IL18: variants seen among roughly 807,000 people sequenced by gnomAD.
IL18 encodes the protein interleukin 18.
Under a neutral mutation model 14.2 loss-of-function variants are expected in IL18, and 8 were observed. The observed-to-expected ratio is 0.56, with a 90% CI of 0.33 to 1.01. The LOEUF (loss-of-function observed/expected upper bound fraction) is 1.01. Ranked by LOEUF, IL18 falls within the 50% of genes least tolerant of loss-of-function variation. The pLI, the probability that IL18 is intolerant of heterozygous loss-of-function variation, is 0.03. For synonymous variants in IL18, 67 were observed against 71.0 expected, an observed-to-expected ratio of 0.94 and a Z score of 0.28; for missense variants, 166 against 231.1, an observed-to-expected ratio of 0.72 and a Z score of 1.83.
At chr11:112,161,539 C>A (rs1388983123) in intron 1 of IL18, among the ~76,000 whole-genome samples, 1 of 152,202 alleles carries the variant, frequency 6.6e-6, no homozygotes, top group Non-Finnish European at 1.5e-5. Flanking sequence ...TGGCTTATGC[C>A]TGTAATACCA....
chr11:112,148,562 T>C, intron 5 of IL18, 41 bp downstream of exon 5: 1 of 1,013,786 alleles, frequency 9.9e-7, no homozygotes, highest in Non-Finnish European at 1.4e-6. Context: ...TTATATTAAT[T>C]ATATTAACAT....
At chr11:112,158,252 G>C (rs1179670053) in intron 1 of IL18, among the ~76,000 whole-genome samples, 3 of 152,194 alleles carry the variant, frequency 2.0e-5, no homozygotes, top group Non-Finnish European at 4.4e-5. Flanking sequence ...GCCTCCCAAA[G>C]GCTGGGACTA....
In IL18 at chr11:112,148,716, A is replaced by C; in HGVS notation, c.247T>G (p.Phe83Val). The change falls in exon 5 of 6, where the codon TTT becomes GTT. Residue 83 changes from phenylalanine to valine, a missense_variant. By Grantham distance (50) the Phe-to-Val change is conservative. Transcript: ENST00000280357. ...CTATCTTTATACATACTTATAATAA[A>C]TATGGTCCGGGGTGCATTATCTGAA... ...DCRDNAPRTI[F>V]IISMYKDSQP... 6.8e-7 allele frequency: 1 copy of C among 1,475,840 alleles called. No homozygotes were observed. Among genetic ancestry groups the C allele is most frequent in the Non-Finnish European group, 9.1e-7 (1 of 1,101,452 alleles). The allele number at this position is 1,475,840 out of a possible 1,614,324, so 91.4% of individuals were successfully genotyped here. A position where few individuals can be genotyped will look rare whatever the true frequency, so the allele number is the denominator to read the frequency against.
intron 1 of IL18, among the ~76,000 whole-genome samples, chr11:112,159,412 T>G (rs537129404): frequency 7.3e-5 from 11 of 151,552 alleles, no homozygotes; most frequent in African/African-American, 2.7e-4. Context: ...CAACAACTAC[T>G]GAAGTAATTT....
chr11:112,143,860 C>T, intron 5 of IL18, 43 bp from the exon 6 acceptor site: 2 of 1,233,268 alleles, frequency 1.6e-6, no homozygotes, highest in East Asian at 2.3e-5. Flanking sequence ...AGGACATGAA[C>T]AATTTGAATA....
At chr11:112,151,095 G>T (rs1174603602) in intron 3 of IL18, 1 of 152,130 alleles carries the variant, frequency 6.6e-6, no homozygotes, top group Non-Finnish European at 1.5e-5. Context: ...TCAGACAAAT[G>T]TGTGAACATT....
At position 112,158,521 on chromosome 11, in the gene IL18, G is replaced by GTTTTTTTTTTTTTT. The variant is rs71060226; in HGVS notation, c.-8-3461_-8-3460insAAAAAAAAAAAAAA. On this transcript the variant is annotated intron_variant, in intron 1 of 5. Coordinates refer to ENST00000280357, the MANE Select transcript of IL18 (RefSeq NM_001562.4). The stretch of plus-strand genomic sequence containing the variant: ...CTTGGTTTCAACATATTTATTTGGA[G>GTTTTTTTTTTTTTT]TTTTTTTTTTTTTGCACAGCAGTAA... Among the ~76,000 whole-genome samples, 138 of 104,974 alleles carry GTTTTTTTTTTTTTT rather than the reference G, an allele frequency of 1.3e-3. 10 individuals carry two copies. The highest frequency in any genetic ancestry group is 2.8e-3 in the East Asian group (11 of 3,896). 68.9% of individuals were successfully genotyped at this position (104,974 alleles called of 152,430 possible). A position where few individuals can be genotyped will look rare whatever the true frequency, so the allele number is the denominator to read the frequency against.
rs1555192016 is a variant in IL18, at chr11:112,158,520, A to AGTTTTTTTTT, written c.-8-3469_-8-3460dup. ...ACTTGGTTTCAACATATTTATTTGG[A>AGTTTTTTTTT]GTTTTTTTTTTTTTGCACAGCAGTA... is the stretch of plus-strand genomic sequence containing the variant. On this transcript the variant is annotated intron_variant, in intron 1 of 5. Coordinates refer to ENST00000280357, the MANE Select transcript of IL18 (RefSeq NM_001562.4). Among the ~76,000 whole-genome samples, 7 of 20,590 alleles carry AGTTTTTTTTT rather than the reference A, an allele frequency of 3.4e-4. 1 individual carries two copies. In the South Asian group the frequency reaches 0.012, roughly 36 times the overall value. The allele number at this position is 20,590 out of a possible 152,430, so 13.5% of individuals were successfully genotyped here.
intron 5 of IL18, among the ~76,000 whole-genome samples, chr11:112,145,197 A>G (rs1866315040): frequency 6.6e-6 from 1 of 152,234 alleles, no homozygotes; most frequent in African/African-American, 2.4e-5. Flanking sequence ...TTGTGGAATC[A>G]GTAGTCATAA....
At chr11:112,154,072 G>A (rs1866492119) in intron 2 of IL18, among the ~76,000 whole-genome samples, 1 of 151,988 alleles carries the variant, frequency 6.6e-6, no homozygotes. Context: ...TGATCCTCCT[G>A]CTTCAGCCTC....
rs546207367 is a variant in IL18 at position 112,163,128 on chromosome 11, C to T, written c.-9+778G>A. Among the ~76,000 whole-genome samples the T allele has an allele frequency of 7.2e-5, 11 of 152,094 alleles. No homozygotes were observed. In the South Asian group the frequency reaches 2.3e-3, roughly 32 times the overall value. On this transcript the variant is annotated intron_variant, in intron 1 of 5. Transcript: ENST00000280357. ...TCAGGAGTCCTAAAATTTAGGGGGT[C>T]CTAATTTTTGTTATTCAACTTCAAA... is the stretch of plus-strand genomic sequence containing the variant.
At chr11:112,147,625 T>C (rs934457722) in intron 5 of IL18, among the ~76,000 whole-genome samples, 1 of 152,196 alleles carries the variant, frequency 6.6e-6, no homozygotes, top group Non-Finnish European at 1.5e-5. Context: ...TGGAGGGAGA[T>C]AGCTGAGGGA....
chr11:112,148,499 GT>G, intron 5 of IL18, 103 bp downstream of exon 5: 1 of 573,216 alleles, frequency 1.7e-6, no homozygotes, highest in South Asian at 4.7e-5. Flanking sequence ...GGATATTTGA[GT>G]TTTCTAATTA....
At position 112,154,959 on chromosome 11, in the gene IL18, A is replaced by G. The variant is rs1417454495; in HGVS notation, c.79+16T>C. 6 of 1,502,190 alleles carry G rather than the reference A, an allele frequency of 4.0e-6. No individual in the cohort carries two copies. Among genetic ancestry groups the G allele is most frequent in the Non-Finnish European group, 4.6e-6 (5 of 1,080,128 alleles). 93.1% of individuals were successfully genotyped at this position (1,502,190 alleles called of 1,614,324 possible). ...TTTATCTGAACCTGGTATTTGTTCT[A>G]TGGCATTAGCCTTACCTATAAAGTA... On this transcript the variant is annotated intron_variant, in intron 2 of 5. Transcript: ENST00000280357.
chr11:112,148,008 T>C (rs1351107022), intron 5 of IL18, among the ~76,000 whole-genome samples: 2 of 152,214 alleles, frequency 1.3e-5, no homozygotes, highest in Non-Finnish European at 2.9e-5. Context: ...AGAAATACTT[T>C]ATACCTGGCT....
At chr11:112,158,016 C>A (rs1200697789) in intron 1 of IL18, among the ~76,000 whole-genome samples, 1 of 152,154 alleles carries the variant, frequency 6.6e-6, no homozygotes, top group African/African-American at 2.4e-5. Context: ...ACCACCACGC[C>A]CGGCTAATTT....
At chr11:112,145,798 T>C (rs1866331329) in intron 5 of IL18, among the ~76,000 whole-genome samples, 2 of 151,848 alleles carry the variant, frequency 1.3e-5, no homozygotes, top group Admixed American at 6.6e-5. Context: ...AGCGAGAGTG[T>C]GGATAGGTAG....
chr11:112,155,954 A>G (rs1467745202), intron 1 of IL18, among the ~76,000 whole-genome samples: 1 of 152,202 alleles, frequency 6.6e-6, no homozygotes, highest in Non-Finnish European at 1.5e-5. Context: ...TCATTAATAG[A>G]AATACCTATT....
intron 3 of IL18, chr11:112,153,195 C>A: frequency 6.1e-6 from 1 of 163,768 alleles, no homozygotes; most frequent in Non-Finnish European, 1.3e-5. Flanking sequence ...GGGAACCTTC[C>A]AGGCTTCTTC....
Sources: allele counts gnomAD v4.1 joint callset (sites outside exome capture counted in the v4.1 genomes callset), GRCh38; gene constraint gnomAD v4.1.1; transcripts MANE v1.5; gene names NCBI Gene and HGNC (gene_info 2026-07-23, HGNC 2026-07-21).